CHD6: variants seen among roughly 807,000 people sequenced by gnomAD.
CHD6 encodes the protein chromodomain helicase DNA binding protein 6.
In CHD6, 50 loss-of-function variants were observed where a neutral mutation model predicts 276.9. The ratio of observed to expected loss-of-function variants is 0.18; its 90% CI spans 0.14 to 0.23. The LOEUF is 0.23. Among genes scored for constraint, CHD6 ranks in the 10% least tolerant of loss-of-function variants. The pLI is 1.00. For missense variants in CHD6, 2,564 were observed against 3,365.8 expected, an observed-to-expected ratio of 0.76 and a Z score of 5.89; for synonymous variants, 1,173 against 1,229.3, an observed-to-expected ratio of 0.95 and a Z score of 0.96.
chr20:41,421,786 G>T lies in CHD6; in HGVS notation c.4849C>A (p.Gln1617Lys). The T allele has an allele frequency of 6.2e-7, 1 of 1,614,188 alleles. No individual in the cohort carries two copies. The highest frequency in any genetic ancestry group is 8.5e-7 in the Non-Finnish European group (1 of 1,180,028). ...GCCTGGGTGCCAGATCTTTTATGCT[G>T]GGCATAGTTTCTATAGGCATCCAGG... ...SFLDAYRNYA[Q>K]HKRSGTQAPG... The change falls in exon 31 of 37, where the codon CAG (glutamine) becomes AAG (lysine). Residue 1617 changes from glutamine (Q) to lysine (K), a missense_variant. Gln to Lys is a moderately conservative substitution (Grantham distance 53). Transcript: ENST00000373233.
At chr20:41,537,430 T>C (rs184568834) in intron 2 of CHD6, among the ~76,000 whole-genome samples, 5 of 152,342 alleles carry the variant, frequency 3.3e-5, no homozygotes, top group African/African-American at 1.2e-4. Context: ...TATGAGAAGA[T>C]GTGTATGGGT....
At chr20:41,600,908 G>C (rs1418047170) in intron 1 of CHD6, among the ~76,000 whole-genome samples, 1 of 152,098 alleles carries the variant, frequency 6.6e-6, no homozygotes, top group South Asian at 2.1e-4. Context: ...AACATACCCA[G>C]CCCCACTGTT....
chr20:41,550,064 G>A (rs955654987), intron 2 of CHD6, among the ~76,000 whole-genome samples: 1 of 152,224 alleles, frequency 6.6e-6, no homozygotes, highest in Non-Finnish European at 1.5e-5. Flanking sequence ...GCCTCCAAAA[G>A]TGCTGGGATT....
intron 17 of CHD6, among the ~76,000 whole-genome samples, chr20:41,470,436 G>A (rs998305259): frequency 5.9e-5 from 9 of 151,396 alleles, no homozygotes; most frequent in Non-Finnish European, 1.3e-4. Context: ...TTCTCCTTAC[G>A]AACTCCCACC....
chr20:41,421,774 A>G lies in CHD6; in HGVS notation c.4861T>C (p.Ser1621Pro). The G allele has an allele frequency of 6.2e-7, 1 of 1,614,196 alleles. No homozygotes were observed. The highest frequency in any genetic ancestry group is 1.1e-5 in the South Asian group (1 of 91,088). The change falls in exon 31 of 37, where the codon TCT (serine) becomes CCT (proline). Residue 1621 changes from serine (S) to proline (P), a missense_variant. Ser to Pro is a moderately conservative substitution (Grantham distance 74). Around this residue, in one of 7 missense-constraint regions of CHD6, gnomAD observed 1,024 missense variants for 1,047.9 expected, o/e 0.98. Transcript: ENST00000373233. Reference protein sequence around the residue: ...AYRNYAQHKRSGTQAPGNLCC... With the variant: ...AYRNYAQHKRPGTQAPGNLCC... ...AGATTTCCTGGTGCCTGGGTGCCAG[A>G]TCTTTTATGCTGGGCATAGTTTCTA... is the stretch of plus-strand genomic sequence containing the variant.
At chr20:41,457,130 A>C in intron 18 of CHD6, 134 bp downstream of exon 18, 1 of 1,002,812 alleles carries the variant, frequency 1.0e-6, no homozygotes, top group South Asian at 2.1e-5. Context: ...TGTTGTAGGG[A>C]ATTACCCAAT....
At chr20:41,460,851 C>T (rs2048524705) in intron 17 of CHD6, among the ~76,000 whole-genome samples, 1 of 152,184 alleles carries the variant, frequency 6.6e-6, no homozygotes, top group Non-Finnish European at 1.5e-5. Context: ...CCTCCAGACC[C>T]AGAACTGTAG....
rs1182512798 is a variant in CHD6, at chr20:41,403,423, G to C, written c.*1170C>G. ...CAGTTCCTAAACATGGAGAAGCTGA[G>C]GAAGAAGAGAAAATAATGTTGACTT... On this transcript the variant is annotated 3_prime_UTR_variant, in exon 37 of 37. Transcript: ENST00000373233. The C allele has an allele frequency of 9.4e-7, 1 of 1,061,792 alleles. No individual in the cohort carries two copies. The highest frequency in any genetic ancestry group is 1.1e-6 in the Non-Finnish European group (1 of 877,080). The allele number at this position is 1,061,792 out of a possible 1,614,324, so 65.8% of individuals were successfully genotyped here.
chr20:41,607,650 T>A (rs2045843166), intron 1 of CHD6, among the ~76,000 whole-genome samples: 1 of 151,138 alleles, frequency 6.6e-6, no homozygotes, highest in Admixed American at 6.6e-5. Context: ...GAAGGCTCCA[T>A]GAAGACACGG....
intron 1 of CHD6, among the ~76,000 whole-genome samples, chr20:41,599,814 C>G (rs1176068193): frequency 6.6e-6 from 1 of 152,210 alleles, no homozygotes; most frequent in Non-Finnish European, 1.5e-5. Context: ...TAAACAACCC[C>G]TCCCAACTAG....
intron 1 of CHD6, among the ~76,000 whole-genome samples, chr20:41,614,002 T>TA: frequency 6.7e-6 from 1 of 150,264 alleles, no homozygotes; most frequent in Admixed American, 6.6e-5. Flanking sequence ...AAAACAATCT[T>TA]AGAGTATAAA....
chr20:41,429,926 C>T (rs762854059), intron 27 of CHD6, among the ~76,000 whole-genome samples: 33 of 152,204 alleles, frequency 2.2e-4, no homozygotes, highest in Non-Finnish European at 3.5e-4. Flanking sequence ...TAAACGGTTG[C>T]CTTTCTATGC....
intron 1 of CHD6, among the ~76,000 whole-genome samples, chr20:41,615,059 G>A (rs547111908): frequency 1.3e-5 from 2 of 152,222 alleles, no homozygotes; most frequent in South Asian, 2.1e-4. Flanking sequence ...ACAACAGTAC[G>A]CTTGAGCTTT....
intron 5 of CHD6, among the ~76,000 whole-genome samples, chr20:41,512,590 G>A (rs1308415012): frequency 6.6e-6 from 1 of 151,986 alleles, no homozygotes; most frequent in Non-Finnish European, 1.5e-5. Flanking sequence ...GGAGAGTAAT[G>A]AGACAGGGAA....
At chr20:41,506,770 T>C (rs551686631) in intron 5 of CHD6, among the ~76,000 whole-genome samples, 63 of 152,324 alleles carry the variant, frequency 4.1e-4, no homozygotes, top group Non-Finnish European at 7.6e-4. Context: ...TGTGAATTTG[T>C]TGCAAGCTCT....
At position 41,404,940 on chromosome 20, in the gene CHD6, T is replaced by G; in HGVS notation, c.7801A>C (p.Ile2601Leu). Residue 2601 changes from isoleucine to leucine, a missense_variant, in exon 37 of 37, where the codon ATA (isoleucine) becomes CTA (leucine). Ile to Leu is a conservative substitution (Grantham distance 5). Transcript: ENST00000373233. ...GPFSDQSEPAITTSSPVAFNP... is the reference protein window; with the variant it reads ...GPFSDQSEPALTTSSPVAFNP... Reference sequence around the variant, plus strand: ...AAAGCCACAGGACTACTAGTAGTTATTGCAGGTTCAGACTGATCAGAAAAT... The same window carrying G: ...AAAGCCACAGGACTACTAGTAGTTAGTGCAGGTTCAGACTGATCAGAAAAT... The G allele has an allele frequency of 6.2e-7, 1 of 1,614,204 alleles. No individual in the cohort carries two copies. The highest frequency in any genetic ancestry group is 8.5e-7 in the Non-Finnish European group (1 of 1,180,026).
Position 41,450,908 on chromosome 20 carries a change from C to T in CHD6, c.3683+38G>A, listed in dbSNP as rs373278825. 126 of 1,583,994 alleles carry T rather than the reference C, an allele frequency of 8.0e-5. 1 individual carries two copies. The highest frequency in any genetic ancestry group is 4.7e-4 in the African/African-American group (35 of 74,542). On this transcript the variant is annotated intron_variant, in intron 23 of 36. Coordinates refer to ENST00000373233, the MANE Select transcript of CHD6 (RefSeq NM_032221.5). ...TCCCAGGAATCGAAGCAGTCTGAGCCGGGCTGCCACCAGGGTATGGGGAGG... is the reference window on the plus strand; with the variant it reads ...TCCCAGGAATCGAAGCAGTCTGAGCTGGGCTGCCACCAGGGTATGGGGAGG...
At chr20:41,407,628 A>C (rs1205210236) in intron 36 of CHD6, among the ~76,000 whole-genome samples, 2 of 152,248 alleles carry the variant, frequency 1.3e-5, no homozygotes, top group African/African-American at 2.4e-5. Context: ...TTTTTATTTA[A>C]GGGGCAGCTG....
chr20:41,498,827 G>A (rs1286634367), intron 6 of CHD6, among the ~76,000 whole-genome samples: 2 of 147,970 alleles, frequency 1.4e-5, no homozygotes, highest in Admixed American at 6.7e-5. Context: ...GTGTGTGTGT[G>A]TGTGTGTGTG....
Sources: gnomAD v4.1 joint callset for allele counts (sites outside exome capture counted in the v4.1 genomes callset) on GRCh38, gnomAD v4.1.1 for gene constraint, gnomAD v4.1.1 regional missense constraint, MANE v1.5 for transcripts, NCBI Gene and HGNC (gene_info 2026-07-23, HGNC 2026-07-21) for gene names.